Variants in LRP1B observed in about 807,000 individuals in gnomAD.
LRP1B encodes LDL receptor related protein 1B, also known as low-density lipoprotein receptor-related protein 1B.
Under a neutral mutation model 556.6 loss-of-function variants are expected in LRP1B, and 217 were observed. That is an observed-to-expected ratio of 0.39 (90% CI 0.35 to 0.44). The LOEUF is 0.44. Ranked by LOEUF, LRP1B falls within the 20% of genes least tolerant of loss-of-function variation. The pLI, the probability that LRP1B is intolerant of heterozygous loss-of-function variation, is 1.00. For synonymous variants in LRP1B, 2,047 were observed against 1,865.8 expected (o/e 1.10, Z -2.50); for missense variants, 5,053 against 5,620.8 (o/e 0.90, Z 3.23).
chr2:140,293,508 G>T (rs1683481615), intron 84 of LRP1B, among the ~76,000 whole-genome samples: 1 of 152,094 alleles, frequency 6.6e-6, no homozygotes, highest in African/African-American at 2.4e-5. Flanking sequence ...TTAGAGTTAT[G>T]AAATGTTTTT....
intron 32 of LRP1B, among the ~76,000 whole-genome samples, chr2:140,794,312 G>T (rs1043170440): frequency 2.0e-5 from 3 of 151,816 alleles, no homozygotes; most frequent in African/African-American, 7.3e-5. Flanking sequence ...TATCAGACAG[G>T]CACACAGTGA....
intron 35 of LRP1B, among the ~76,000 whole-genome samples, chr2:140,719,106 C>G (rs752083075): frequency 1.3e-5 from 2 of 151,960 alleles, no homozygotes; most frequent in Non-Finnish European, 2.9e-5. Context: ...AGGGCTGGGA[C>G]TTTATTTCAT....
At chr2:140,613,480 T>C (rs1407168404) in intron 41 of LRP1B, among the ~76,000 whole-genome samples, 1 of 148,056 alleles carries the variant, frequency 6.8e-6, no homozygotes, top group Non-Finnish European at 1.5e-5. Context: ...CCATGGTGAG[T>C]GCACTCCAAG....
intron 3 of LRP1B, among the ~76,000 whole-genome samples, chr2:141,348,170 G>C (rs1245011067): frequency 6.6e-6 from 1 of 152,014 alleles, no homozygotes; most frequent in Non-Finnish European, 1.5e-5. Flanking sequence ...GTCTGAATCA[G>C]CTTTTCCCGT....
rs541527985 is a variant in LRP1B at position 141,878,500 on chromosome 2, G to A, written c.83-68099C>T. The stretch of plus-strand genomic sequence containing the variant: ...ATTAAATTAATCAAAGAGTTGATAG[G>A]CAATAAACAAATAGAATGGAGAATA... On this transcript the variant is annotated intron_variant, in intron 1 of 90. Transcript: ENST00000389484. Among the ~76,000 whole-genome samples, 20 of 151,832 alleles carry A rather than the reference G, an allele frequency of 1.3e-4. No homozygotes were observed. The East Asian group carries it at 3.5e-3, about 27-fold the overall frequency.
chr2:141,619,337 C>T (rs754154245), intron 2 of LRP1B, among the ~76,000 whole-genome samples: 8 of 152,090 alleles, frequency 5.3e-5, no homozygotes, highest in Admixed American at 6.6e-5. Flanking sequence ...GCTAATACTT[C>T]GTATTTTATT....
intron 2 of LRP1B, among the ~76,000 whole-genome samples, chr2:141,766,831 A>G (rs917648471): frequency 2.0e-5 from 3 of 152,112 alleles, no homozygotes; most frequent in Admixed American, 6.6e-5. Context: ...TATAGCAACT[A>G]CCATGACAAC....
At chr2:140,298,080 T>C (rs1043598775) in intron 83 of LRP1B, 111 bp from the exon 84 acceptor site, 9 of 944,296 alleles carry the variant, frequency 9.5e-6, no homozygotes, top group African/African-American at 3.3e-5. Flanking sequence ...TCAAGGTCTG[T>C]CCATGATTTA....
At chr2:141,383,074 A>G (rs1475436286) in intron 3 of LRP1B, among the ~76,000 whole-genome samples, 3 of 152,202 alleles carry the variant, frequency 2.0e-5, no homozygotes, top group Non-Finnish European at 2.9e-5. Flanking sequence ...ATGAATATAC[A>G]TTTTCCAAAG....
At chr2:142,072,725 C>T (rs1449479) in intron 1 of LRP1B, among the ~76,000 whole-genome samples, 31,455 of 151,748 alleles carry the variant, frequency 0.21, 3,483 homozygotes, top group Middle Eastern at 0.43. Flanking sequence ...TTACACTATG[C>T]GCTCCAAGTG....
Position 140,541,014 on chromosome 2 carries a change from C to T in LRP1B, c.7472G>A (p.Cys2491Tyr), listed in dbSNP as rs1057097465. Reference protein sequence around the residue: ...LTPNGRVNCSCRGDRILLEDN... With the variant: ...LTPNGRVNCSYRGDRILLEDN... The stretch of plus-strand genomic sequence containing the variant: ...CTCTAGCAATATTCGGTCCCCTCTG[C>T]AGGAACAATTCACTCTCCCATTGGG... Residue 2491 changes from cysteine to tyrosine, a missense_variant, in exon 45 of 91, where the codon TGC becomes TAC. This residue lies in a region of LRP1B where 3,619 missense variants were observed against 3,931.9 expected (regional missense o/e 0.92). Coordinates refer to ENST00000389484, the MANE Select transcript of LRP1B (RefSeq NM_018557.3). 3 of 1,611,614 alleles carry T rather than the reference C, an allele frequency of 1.9e-6. No homozygotes were observed. Among genetic ancestry groups the T allele is most frequent in the Admixed American group, 1.7e-5 (1 of 59,846 alleles).
intron 3 of LRP1B, among the ~76,000 whole-genome samples, chr2:141,284,689 A>T (rs1685639839): frequency 6.6e-6 from 1 of 152,192 alleles, no homozygotes; most frequent in Non-Finnish European, 1.5e-5. Flanking sequence ...TTTCCATGAG[A>T]TATTCAGTTA....
rs1293515807 is a variant in LRP1B at position 141,304,481 on chromosome 2, T to G, written c.344-49840A>C. On this transcript the variant is annotated intron_variant, in intron 3 of 90. Coordinates refer to ENST00000389484, the MANE Select transcript of LRP1B (RefSeq NM_018557.3). ...TAGGAGTCCAGTTTCATTCATTTTTTTTTTTTTTTTTTTTTTGAGATGGAG... is the reference window on the plus strand; with the variant it reads ...TAGGAGTCCAGTTTCATTCATTTTTGTTTTTTTTTTTTTTTTGAGATGGAG... Among the ~76,000 whole-genome samples the G allele has an allele frequency of 2.8e-5, 4 of 140,818 alleles. No homozygotes were observed. The East Asian group carries it at 8.2e-4, about 29-fold the overall frequency. 92.4% of individuals were successfully genotyped at this position (140,818 alleles called of 152,430 possible). A position where few individuals can be genotyped will look rare whatever the true frequency, so the allele number is the denominator to read the frequency against.
chr2:142,003,717 TCTAAGAATGGCTAC>T (rs1179698325), intron 1 of LRP1B, among the ~76,000 whole-genome samples: 1 of 152,102 alleles, frequency 6.6e-6, no homozygotes, highest in Non-Finnish European at 1.5e-5. Flanking sequence ...AGACATACAG[TCTAAGAATGGCTAC>T]CGTGTACTCC....
intron 2 of LRP1B, among the ~76,000 whole-genome samples, chr2:141,781,625 G>GT (rs1216406192): frequency 6.6e-6 from 1 of 152,176 alleles, no homozygotes; most frequent in Non-Finnish European, 1.5e-5. Context: ...CGGCAGAGGA[G>GT]TATGTCATTT....
rs188890526 is a variant in LRP1B, at chr2:140,500,320, G to C, written c.8850+1367C>G. On this transcript the variant is annotated intron_variant, in intron 55 of 90. Transcript: ENST00000389484. ...CTAACCAACCTAACCATGTAGCTAAGTTAATAATACCAGAAATTCAGAACT... is the reference window on the plus strand; with the variant it reads ...CTAACCAACCTAACCATGTAGCTAACTTAATAATACCAGAAATTCAGAACT... 1.4e-4 allele frequency among the ~76,000 whole-genome samples: 22 copies of C among 152,004 alleles called. No homozygotes were observed. The South Asian group carries it at 4.6e-3, about 31-fold the overall frequency.
chr2:142,035,851 G>A (rs558937697), intron 1 of LRP1B, among the ~76,000 whole-genome samples: 1 of 151,664 alleles, frequency 6.6e-6, no homozygotes, highest in Non-Finnish European at 1.5e-5. Context: ...GTGATGGGAG[G>A]AACCCAGTGG....
chr2:142,101,957 T>C (rs1429497919), intron 1 of LRP1B, among the ~76,000 whole-genome samples: 1 of 151,984 alleles, frequency 6.6e-6, no homozygotes, highest in Non-Finnish European at 1.5e-5. Context: ...GAGAGAAAAC[T>C]TACATGGTTC....
chr2:140,370,669 A>G (rs372417960), intron 71 of LRP1B, 41 bp downstream of exon 71: 1 of 1,606,854 alleles, frequency 6.2e-7, no homozygotes, highest in African/African-American at 1.3e-5. Context: ...CTTAACTTTC[A>G]TTCTCTCATT....
Sources: gnomAD v4.1 joint callset for allele counts (sites outside exome capture counted in the v4.1 genomes callset) on GRCh38, gnomAD v4.1.1 for gene constraint, gnomAD v4.1.1 regional missense constraint, MANE v1.5 for transcripts, NCBI Gene and HGNC (gene_info 2026-07-23, HGNC 2026-07-21) for gene names.